CDH3: variants seen among roughly 807,000 people sequenced by gnomAD.
The protein encoded by CDH3 is cadherin-3.
Under a neutral mutation model 82.0 loss-of-function variants are expected in CDH3, and 54 were observed. The observed-to-expected ratio is 0.66, with a 90% CI of 0.53 to 0.83. The LOEUF (loss-of-function observed/expected upper bound fraction) is 0.83. Ranked by LOEUF, CDH3 falls within the 40% of genes least tolerant of loss-of-function variation. The probability of loss-of-function intolerance (pLI) is 0.00; values close to 1 mark genes in which losing one functional copy is unlikely to be tolerated. For missense variants in CDH3, 1,054 were observed against 1,084.6 expected, an observed-to-expected ratio of 0.97 and a Z score of 0.40; for synonymous variants, 446 against 437.9, an observed-to-expected ratio of 1.02 and a Z score of -0.23.
chr16:68,716,216 GAAA>G (rs879629618), intron 1 of CDH3, among the ~76,000 whole-genome samples: 1 of 111,602 alleles, frequency 9.0e-6, no homozygotes. Flanking sequence ...TGCAGTGAGA[GAAA>G]AAAAAAAAAA....
At chr16:68,705,455 C>G (rs1961949460) in intron 1 of CDH3, among the ~76,000 whole-genome samples, 1 of 152,004 alleles carries the variant, frequency 6.6e-6, no homozygotes, top group Non-Finnish European at 1.5e-5. Flanking sequence ...CAGTCTCGCT[C>G]TATCCCCCAG....
At chr16:68,685,107 C>A (rs926842275) in intron 10 of CDH3, 98 bp from the exon 11 acceptor site, 11 of 1,411,486 alleles carry the variant, frequency 7.8e-6, no homozygotes, top group Non-Finnish European at 1.1e-5. Context: ...TGCTTAGGAG[C>A]CCAGAGGCCA....
rs1961040581 is a variant in CDH3 at position 68,676,526 on chromosome 16, A to T, written c.246+56A>T. The stretch of plus-strand genomic sequence containing the variant: ...AGAAAGATGTTCTCTGTGCATGCCC[A>T]AATTGCTGGCCAGGAGCCCTTGGTT... On this transcript the variant is annotated intron_variant, in intron 3 of 15. Coordinates refer to ENST00000264012, the MANE Select transcript of CDH3 (RefSeq NM_001793.6). 2.7e-5 allele frequency: 38 copies of T among 1,404,474 alleles called. No homozygotes were observed. In the South Asian group the frequency reaches 4.3e-4, roughly 16 times the overall value. 87.0% of individuals were successfully genotyped at this position (1,404,474 alleles called of 1,614,324 possible). A position where few individuals can be genotyped will look rare whatever the true frequency, so the allele number is the denominator to read the frequency against.
At chr16:68,720,897 G>A (rs1391392778) in intron 1 of CDH3, among the ~76,000 whole-genome samples, 4 of 152,052 alleles carry the variant, frequency 2.6e-5, no homozygotes, top group East Asian at 3.9e-4. Context: ...TGGGATTACA[G>A]GCATGAGCCA....
At chr16:68,647,458 G>A (rs540148440) in intron 2 of CDH3, among the ~76,000 whole-genome samples, 18 of 152,098 alleles carry the variant, frequency 1.2e-4, no homozygotes, top group Non-Finnish European at 2.4e-4. Flanking sequence ...TCCCAATGAC[G>A]TCAGGCATTT....
intron 2 of CDH3, among the ~76,000 whole-genome samples, chr16:68,647,691 T>C (rs1022359650): frequency 6.6e-6 from 1 of 152,160 alleles, no homozygotes; most frequent in Non-Finnish European, 1.5e-5. Context: ...TTGGTCCAGT[T>C]GGTCCCAATA....
chr16:68,721,229 C>CTTTTTTTTTT (rs71148941), intron 1 of CDH3, among the ~76,000 whole-genome samples: 1 of 114,586 alleles, frequency 8.7e-6, no homozygotes, highest in Non-Finnish European at 1.7e-5. Context: ...GCAGTTTAGT[C>CTTTTTTTTTT]TTTTTTTTTT....
chr16:68,666,363 C>G (rs1021052229), intron 2 of CDH3, among the ~76,000 whole-genome samples: 2 of 152,082 alleles, frequency 1.3e-5, no homozygotes, highest in Non-Finnish European at 2.9e-5. Flanking sequence ...GCCTGGACAC[C>G]CAATAGGTGC....
chr16:68,686,769 C>T, intron 11 of CDH3: 1 of 614,950 alleles, frequency 1.6e-6, no homozygotes, highest in Non-Finnish European at 2.9e-6. Context: ...TAAATAATTT[C>T]CATATTTCTC....
At chr16:68,665,998 A>T (rs1960724322) in intron 2 of CDH3, among the ~76,000 whole-genome samples, 1 of 152,180 alleles carries the variant, frequency 6.6e-6, no homozygotes, top group Admixed American at 6.6e-5. Flanking sequence ...TACCACCCAT[A>T]CGGGACCTTT....
intron 1 of CDH3, among the ~76,000 whole-genome samples, chr16:68,721,229 CTTTTTT>C (rs71148941): frequency 3.5e-5 from 4 of 114,584 alleles, no homozygotes; most frequent in Non-Finnish European, 5.0e-5. Context: ...GCAGTTTAGT[CTTTTTT>C]TTTTTTTTTT....
intron 2 of CDH3, among the ~76,000 whole-genome samples, chr16:68,666,906 T>G (rs1355249880): frequency 6.6e-6 from 1 of 152,036 alleles, no homozygotes; most frequent in African/African-American, 2.4e-5. Flanking sequence ...CTTTTTTTGC[T>G]TTTTTTCCCT....
Position 68,649,771 on chromosome 16 carries a change from C to T in CDH3, c.160+4021C>T, listed in dbSNP as rs561785592. 5.3e-5 allele frequency among the ~76,000 whole-genome samples: 8 copies of T among 152,062 alleles called. No homozygotes were observed. The East Asian group carries it at 5.8e-4, about 11-fold the overall frequency. ...CTGAGGGGCGAGGCGCGGTGGCTCACGGCTGTAATCCCAGCACTTTGGGAG... is the reference window on the plus strand; with the variant it reads ...CTGAGGGGCGAGGCGCGGTGGCTCATGGCTGTAATCCCAGCACTTTGGGAG... On this transcript the variant is annotated intron_variant, in intron 2 of 15. Coordinates refer to ENST00000264012, the MANE Select transcript of CDH3 (RefSeq NM_001793.6).
chr16:68,665,019 C>A (rs1202496829), intron 2 of CDH3, among the ~76,000 whole-genome samples: 1 of 152,124 alleles, frequency 6.6e-6, no homozygotes, highest in East Asian at 1.9e-4. Context: ...AAACTTTCTG[C>A]TTATCTTAGG....
In CDH3 at chr16:68,725,510, T is replaced by A. The variant is rs562375353; in HGVS notation, c.*46-1643T>A. On this transcript the variant is annotated intron_variant, in intron 2 of 2. Transcript: ENST00000569080. Reference sequence around the variant, plus strand: ...CACCACGCCTGGCTAATTTTTTGTATTTTTAGTAGAGACGGGGTTTCACCA... The same window carrying A: ...CACCACGCCTGGCTAATTTTTTGTAATTTTAGTAGAGACGGGGTTTCACCA... 1.6e-4 allele frequency among the ~76,000 whole-genome samples: 25 copies of A among 151,984 alleles called. No individual in the cohort carries two copies. The South Asian group carries it at 2.1e-3, about 13-fold the overall frequency.
At chr16:68,705,948 C>A (rs12922368) in intron 1 of CDH3, among the ~76,000 whole-genome samples, 16 of 150,732 alleles carry the variant, frequency 1.1e-4, no homozygotes, top group Admixed American at 2.6e-4. Flanking sequence ...GCCTGTAGTC[C>A]CAGCTACTCG....
chr16:68,730,612 C>T (rs371075770), downstream of CDH3, among the ~76,000 whole-genome samples: 3 of 152,228 alleles, frequency 2.0e-5, no homozygotes, highest in East Asian at 3.9e-4. Context: ...TGAGGAACTA[C>T]TGTGAATTTT....
intron 15 of CDH3, 44 bp downstream of exon 15, chr16:68,695,967 C>G: frequency 6.2e-7 from 1 of 1,603,992 alleles, no homozygotes; most frequent in South Asian, 1.1e-5. Context: ...TTATTCAAGC[C>G]CAGCACCAGC....
chr16:68,727,060 T>C (rs769221175), intron 2 of CDH3, among the ~76,000 whole-genome samples: 6 of 152,148 alleles, frequency 3.9e-5, no homozygotes, highest in Non-Finnish European at 7.4e-5. Context: ...CCCACGTGGA[T>C]GGGCACCATT....
Sources: allele counts gnomAD v4.1 joint callset (sites outside exome capture counted in the v4.1 genomes callset), GRCh38; gene constraint gnomAD v4.1.1; transcripts MANE v1.5; gene names NCBI Gene and HGNC (gene_info 2026-07-23, HGNC 2026-07-21).